ELP2: variants seen among roughly 807,000 people sequenced by gnomAD.
The protein encoded by ELP2 is elongator complex protein 2.
In ELP2, 90 loss-of-function variants were observed where a neutral mutation model predicts 119.2. The observed-to-expected ratio is 0.75, with a 90% CI of 0.64 to 0.90. The LOEUF is 0.90. Ranked by LOEUF, ELP2 falls within the 40% of genes least tolerant of loss-of-function variation. ELP2 has a pLI of 0.00. For synonymous variants in ELP2, 339 were observed against 331.0 expected, an observed-to-expected ratio of 1.02 and a Z score of -0.26; for missense variants, 921 against 967.8, an observed-to-expected ratio of 0.95 and a Z score of 0.64.
chr18:36,163,275 G>GTGTGTGT (rs1555644860), intron 17 of ELP2, among the ~76,000 whole-genome samples: 13,584 of 145,334 alleles, frequency 0.093, 720 homozygotes, highest in South Asian at 0.19. Context: ...GTTCATGGGG[G>GTGTGTGT]GTGTGTGTGT....
chr18:36,151,428 TA>T (rs1386862364), intron 11 of ELP2, among the ~76,000 whole-genome samples: 5 of 152,162 alleles, frequency 3.3e-5, no homozygotes, highest in African/African-American at 1.2e-4. Flanking sequence ...AGAAGTGCAG[TA>T]AACTGGTTTG....
intron 6 of ELP2, 66 bp from the exon 7 acceptor site, chr18:36,142,215 G>C (rs2090056003): frequency 7.8e-7 from 1 of 1,287,494 alleles, no homozygotes; most frequent in South Asian, 1.2e-5. Context: ...GAGACCAAAT[G>C]ATGTCACTGG....
In ELP2 at chr18:36,156,533, A is replaced by C; in HGVS notation, c.1343A>C (p.Asn448Thr). ...GYDLKCLAMI[N>T]RFQFVSGADE... is the part of the protein sequence containing the mutation. The stretch of plus-strand genomic sequence containing the variant: ...GACCTGAAATGTTTGGCAATGATTA[A>C]TCGGTTTCAGTTTGTATCTGGAGCA... Residue 448 changes from asparagine to threonine, a missense_variant, in exon 13 of 22, where the codon AAT becomes ACT. Transcript: ENST00000358232. The C allele has an allele frequency of 6.2e-7, 1 of 1,614,094 alleles. No homozygotes were observed. The highest frequency in any genetic ancestry group is 1.1e-5 in the South Asian group (1 of 91,078).
intron 21 of ELP2, among the ~76,000 whole-genome samples, chr18:36,173,107 A>G (rs772423750): frequency 2.0e-5 from 3 of 152,258 alleles, no homozygotes; most frequent in African/African-American, 4.8e-5. Context: ...CAAAGCTTAC[A>G]TAGCCAAACA....
intron 21 of ELP2, among the ~76,000 whole-genome samples, chr18:36,173,301 AGAAC>A (rs2091137396): frequency 6.6e-6 from 1 of 152,260 alleles, no homozygotes; most frequent in Non-Finnish European, 1.5e-5. Flanking sequence ...AATTGTGTTC[AGAAC>A]TAGCTTACTA....
chr18:36,163,101 CATATGTCCAT>C (rs1487514412), intron 17 of ELP2, among the ~76,000 whole-genome samples: 5 of 152,008 alleles, frequency 3.3e-5, no homozygotes, highest in Admixed American at 1.3e-4. Context: ...TATTTCATGC[CATATGTCCAT>C]GTATACCCAT....
chr18:36,153,805 G>A (rs886455834), intron 11 of ELP2, among the ~76,000 whole-genome samples: 1 of 151,816 alleles, frequency 6.6e-6, no homozygotes. Flanking sequence ...AGCAGTTTTA[G>A]GTTAACAGCA....
At chr18:36,130,927 G>T (rs749443620) in intron 1 of ELP2, among the ~76,000 whole-genome samples, 1 of 152,110 alleles carries the variant, frequency 6.6e-6, no homozygotes, top group Non-Finnish European at 1.5e-5. Flanking sequence ...CGGCACTTTG[G>T]GAGGCAGAGG....
rs759529316 is a variant in ELP2, at chr18:36,146,402, TAAAG to T, written c.1125+22_1125+25del. 6 of 1,612,484 alleles carry T rather than the reference TAAAG, an allele frequency of 3.7e-6. No individual in the cohort carries two copies. The Admixed American group carries it at 8.3e-5, about 22-fold the overall frequency. On this transcript the variant is annotated intron_variant, in intron 11 of 21. Coordinates refer to ENST00000358232, the MANE Select transcript of ELP2 (RefSeq NM_018255.4). The stretch of plus-strand genomic sequence containing the variant: ...ACCCAGTAAGAAAAGAGTGTTTAAA[TAAAG>T]CATTTCTAATCAAATAGAGTACATT...
intron 13 of ELP2, among the ~76,000 whole-genome samples, chr18:36,157,383 AGGGGAGAGAG>A (rs1253966841): frequency 6.6e-6 from 1 of 152,126 alleles, no homozygotes; most frequent in Non-Finnish European, 1.5e-5. Context: ...GGCAAAAAGA[AGGGGAGAGAG>A]AGGGAGAGAG....
chr18:36,151,358 T>A (rs2090394153), intron 11 of ELP2, among the ~76,000 whole-genome samples: 1 of 151,840 alleles, frequency 6.6e-6, no homozygotes, highest in African/African-American at 2.4e-5. Context: ...GCTGAGATTA[T>A]AGGTGTGAGC....
chr18:36,167,014 G>C (rs2090927737), intron 18 of ELP2, 87 bp from the exon 19 acceptor site: 1 of 1,349,540 alleles, frequency 7.4e-7, no homozygotes, highest in Admixed American at 2.3e-5. Context: ...AAGTCATATG[G>C]TGTATATGGC....
chr18:36,160,167 TGAGAATTAAACC>T, intron 16 of ELP2, 152 bp downstream of exon 16: 1 of 706,884 alleles, frequency 1.4e-6, no homozygotes, highest in Non-Finnish European at 2.5e-6. Context: ...TCATAAGGAA[TGAGAATTAAACC>T]TTAACGTTTA....
chr18:36,141,408 G>A (rs1380078192), intron 6 of ELP2: 1 of 579,842 alleles, frequency 1.7e-6, no homozygotes, highest in Non-Finnish European at 3.1e-6. Flanking sequence ...GCTCAGAGTT[G>A]TTAGGGGGAA....
chr18:36,165,806 T>C (rs650377), intron 18 of ELP2, among the ~76,000 whole-genome samples: 54,707 of 151,554 alleles, frequency 0.36, 9,952 homozygotes, highest in Middle Eastern at 0.44. Flanking sequence ...CATTTCAACC[T>C]GGGAGGCAGA....
rs751173366 is a variant in ELP2 at position 36,130,027 on chromosome 18, C to A, written c.94C>A (p.Leu32Met). 2 of 1,614,088 alleles carry A rather than the reference C, an allele frequency of 1.2e-6. No homozygotes were observed. The highest frequency in any genetic ancestry group is 1.3e-5 in the African/African-American group (1 of 74,924). ...CTGGAGCTCTGGGCCCAGAGGACTT[C>A]TGGCCTTTGGCACGTCCTGCTCCGT... Reference protein sequence around the residue: ...LNWSSGPRGLLAFGTSCSVVL... With the variant: ...LNWSSGPRGLMAFGTSCSVVL... The change falls in exon 1 of 22, where the codon CTG becomes ATG. Residue 32 changes from leucine (L) to methionine (M), a missense_variant. Coordinates refer to ENST00000358232, the MANE Select transcript of ELP2 (RefSeq NM_018255.4).
intron 11 of ELP2, 70 bp downstream of exon 11, chr18:36,146,451 C>T: frequency 1.3e-6 from 2 of 1,530,942 alleles, no homozygotes; most frequent in South Asian, 2.3e-5. Flanking sequence ...TAGTATTTTG[C>T]TTATAACACT....
chr18:36,138,941 A>G (rs1191413621), intron 5 of ELP2, 69 bp downstream of exon 5: 3 of 1,162,978 alleles, frequency 2.6e-6, no homozygotes, highest in Non-Finnish European at 3.9e-6. Flanking sequence ...TTAGAACCTA[A>G]AAGAAATGTA....
At chr18:36,165,001 C>T in intron 18 of ELP2, 6 of 294,494 alleles carry the variant, frequency 2.0e-5, no homozygotes. Flanking sequence ...TAATGGATAA[C>T]TTATCCTAAG....
Sources: gnomAD v4.1 joint callset for allele counts (sites outside exome capture counted in the v4.1 genomes callset) on GRCh38, gnomAD v4.1.1 for gene constraint, MANE v1.5 for transcripts, NCBI Gene and HGNC (gene_info 2026-07-23, HGNC 2026-07-21) for gene names.